PARD3: variants seen among roughly 807,000 people sequenced by gnomAD.
PARD3 encodes partitioning defective 3 homolog.
A neutral mutation model predicts 155.4 loss-of-function variants in PARD3; 75 were observed. That is an observed-to-expected ratio of 0.48 (90% CI 0.40 to 0.58). The LOEUF is 0.58. Ranked by LOEUF, PARD3 falls within the 20% of genes least tolerant of loss-of-function variation. PARD3 has a pLI of 0.00. For missense variants in PARD3, 1,642 were observed against 1,721.7 expected (o/e 0.95, Z 0.82); for synonymous variants, 576 against 610.5 (o/e 0.94, Z 0.83).
At chr10:34,302,164 G>A (rs1243248510) in intron 20 of PARD3, among the ~76,000 whole-genome samples, 7 of 151,960 alleles carry the variant, frequency 4.6e-5, no homozygotes, top group Admixed American at 6.6e-5. Flanking sequence ...TCCCACCCTC[G>A]CAAACCGAGA....
chr10:34,231,420 G>C (rs1198080332), intron 22 of PARD3, among the ~76,000 whole-genome samples: 3 of 151,912 alleles, frequency 2.0e-5, no homozygotes, highest in African/African-American at 7.3e-5. Context: ...GAATGTCAGG[G>C]CTGTCTATGG....
chr10:34,491,452 A>AT (rs761178319), intron 3 of PARD3, among the ~76,000 whole-genome samples: 4 of 152,126 alleles, frequency 2.6e-5, no homozygotes, highest in Non-Finnish European at 5.9e-5. Context: ...AATAATCTGC[A>AT]TTTTCTAACA....
chr10:34,219,901 C>T (rs948664626), intron 22 of PARD3, among the ~76,000 whole-genome samples: 10 of 152,242 alleles, frequency 6.6e-5, no homozygotes, highest in South Asian at 6.2e-4. Flanking sequence ...AAAGGCTAGG[C>T]GACCTCAAAT....
At chr10:34,350,757 CTAAA>C (rs1218823612) in intron 14 of PARD3, among the ~76,000 whole-genome samples, 1 of 152,156 alleles carries the variant, frequency 6.6e-6, no homozygotes, top group East Asian at 1.9e-4. Flanking sequence ...TTGACTCCAA[CTAAA>C]TACAGTCCCC....
chr10:34,537,150 G>C (rs780746732), intron 2 of PARD3, among the ~76,000 whole-genome samples: 1 of 152,094 alleles, frequency 6.6e-6, no homozygotes, highest in Non-Finnish European at 1.5e-5. Context: ...CTACAGGTGC[G>C]TGTCACCACA....
intron 1 of PARD3, among the ~76,000 whole-genome samples, chr10:34,711,307 G>T (rs780321783): frequency 6.6e-6 from 1 of 152,170 alleles, no homozygotes; most frequent in Non-Finnish European, 1.5e-5. Flanking sequence ...ATCACTTGAG[G>T]TCAGGAGTTT....
At chr10:34,552,144 C>A (rs999707731) in intron 2 of PARD3, among the ~76,000 whole-genome samples, 2 of 152,224 alleles carry the variant, frequency 1.3e-5, no homozygotes, top group African/African-American at 4.8e-5. Context: ...CAGAGTCTCA[C>A]TCTGTCACCC....
chr10:34,384,006 G>A, intron 8 of PARD3, 123 bp downstream of exon 8: 1 of 909,206 alleles, frequency 1.1e-6, no homozygotes, highest in East Asian at 2.5e-5. Context: ...AAAGCTAATG[G>A]CAGAAAATAT....
rs544675968 is a variant in PARD3, at chr10:34,256,246, T to A, written c.3419+13411A>T. Among the ~76,000 whole-genome samples, 118 of 152,372 alleles carry A rather than the reference T, an allele frequency of 7.7e-4. 1 individual carries two copies. The South Asian group carries it at 7.9e-3, about 10-fold the overall frequency. ...GTACTGAAGCTTTTGTCCGAATTTG[T>A]GCACATCAGGGAATCCTCTGGCCTC... is the stretch of plus-strand genomic sequence containing the variant. On this transcript the variant is annotated intron_variant, in intron 22 of 24. Coordinates refer to ENST00000374788, the MANE Select transcript of PARD3 (RefSeq NM_001184785.2).
At chr10:34,524,500 C>T (rs930500391) in intron 2 of PARD3, among the ~76,000 whole-genome samples, 1 of 152,180 alleles carries the variant, frequency 6.6e-6, no homozygotes, top group Non-Finnish European at 1.5e-5. Flanking sequence ...AGCCTTCAGA[C>T]TAATTAGATT....
chr10:34,434,061 G>A (rs1272437093), intron 5 of PARD3, among the ~76,000 whole-genome samples: 5 of 152,170 alleles, frequency 3.3e-5, no homozygotes, highest in African/African-American at 4.8e-5. Context: ...GGCAGGGATC[G>A]GGTATGGCTA....
chr10:34,727,878 CCACACACACACACA>C (rs61342514), intron 1 of PARD3, among the ~76,000 whole-genome samples: 36,958 of 144,654 alleles, frequency 0.26, 5,433 homozygotes, highest in East Asian at 0.51. Context: ...CCTCCCTCCG[CCACACACACACACA>C]CACACACACA....
At chr10:34,621,810 A>G (rs2091693693) in intron 2 of PARD3, among the ~76,000 whole-genome samples, 1 of 152,220 alleles carries the variant, frequency 6.6e-6, no homozygotes, top group Non-Finnish European at 1.5e-5. Flanking sequence ...TTTTCTTATT[A>G]AACCAACTTC....
chr10:34,462,426 A>C (rs2077708140), intron 4 of PARD3, among the ~76,000 whole-genome samples: 1 of 152,232 alleles, frequency 6.6e-6, no homozygotes, highest in African/African-American at 2.4e-5. Context: ...ACAGAACATA[A>C]AGGGAAAAAA....
intron 20 of PARD3, chr10:34,312,517 G>T: frequency 1.3e-6 from 1 of 774,422 alleles, no homozygotes; most frequent in Non-Finnish European, 2.2e-6. Flanking sequence ...ACCTGATTAT[G>T]TTCATTGTGT....
chr10:34,135,109 C>T (rs987091245), intron 22 of PARD3, among the ~76,000 whole-genome samples: 2 of 151,960 alleles, frequency 1.3e-5, no homozygotes, highest in African/African-American at 2.4e-5. Flanking sequence ...ATGGGTGAGA[C>T]AATAAAACCC....
chr10:34,380,767 T>G (rs1386116831), intron 9 of PARD3, among the ~76,000 whole-genome samples: 1 of 152,162 alleles, frequency 6.6e-6, no homozygotes, highest in Non-Finnish European at 1.5e-5. Flanking sequence ...TATTGCTGTA[T>G]CAGTGTAAAA....
At chr10:34,440,765 C>A (rs1002409698) in intron 5 of PARD3, among the ~76,000 whole-genome samples, 3 of 152,116 alleles carry the variant, frequency 2.0e-5, no homozygotes, top group Non-Finnish European at 2.9e-5. Flanking sequence ...CAACTGCACA[C>A]CCCAGGTCCA....
At chr10:34,533,311 C>G (rs1163378848) in intron 2 of PARD3, among the ~76,000 whole-genome samples, 1 of 151,900 alleles carries the variant, frequency 6.6e-6, no homozygotes, top group Non-Finnish European at 1.5e-5. Flanking sequence ...CGCTGAAGAA[C>G]TACCTACTGG....
Sources: gnomAD v4.1 joint callset for allele counts (sites outside exome capture counted in the v4.1 genomes callset) on GRCh38, gnomAD v4.1.1 for gene constraint, MANE v1.5 for transcripts, NCBI Gene and HGNC (gene_info 2026-07-23, HGNC 2026-07-21) for gene names.